The following FBXW2 variants were observed in gnomAD, a reference collection of about 807,000 sequenced individuals.
FBXW2 encodes the protein F-box and WD repeat domain containing 2.
In FBXW2, 12 loss-of-function variants were observed where a neutral mutation model predicts 46.0. That is an observed-to-expected ratio of 0.26 (90% CI 0.17 to 0.42). The LOEUF is 0.42. FBXW2 is among the 10% of genes least tolerant of loss of function. FBXW2 has a pLI of 1.00. For missense variants in FBXW2, 360 were observed against 537.0 expected (o/e 0.67, Z 3.26); for synonymous variants, 203 against 209.6 (o/e 0.97, Z 0.27).
intron 4 of FBXW2, 102 bp from the exon 5 acceptor site, chr9:120,776,328 A>T (rs1468649358): frequency 7.6e-7 from 1 of 1,310,950 alleles, no homozygotes; most frequent in Non-Finnish European, 1.0e-6. Context: ...TAATTTCCCA[A>T]CCAGAGACAC....
chr9:120,772,899 T>C, intron 5 of FBXW2, 59 bp from the exon 6 acceptor site: 1 of 1,174,528 alleles, frequency 8.5e-7, no homozygotes, highest in Non-Finnish European at 1.2e-6. Context: ...ATAATGATTT[T>C]ATTCTTTAAA....
At chr9:120,786,089 T>C (rs1018512033) in intron 3 of FBXW2, among the ~76,000 whole-genome samples, 3 of 151,838 alleles carry the variant, frequency 2.0e-5, no homozygotes, top group African/African-American at 7.3e-5. Flanking sequence ...ATTCTACTTT[T>C]AGACTTCTAT....
chr9:120,778,253 C>A, intron 4 of FBXW2, 98 bp downstream of exon 4: 5 of 1,009,390 alleles, frequency 5.0e-6, no homozygotes, highest in Middle Eastern at 3.3e-4. Flanking sequence ...TTGAAAAAAG[C>A]AGGTTAAATT....
rs556063489 is a variant in FBXW2 at position 120,762,578 on chromosome 9, T to A, written c.*1981A>T. The A allele has an allele frequency of 6.6e-6, 1 of 152,224 alleles. No individual in the cohort carries two copies. The highest frequency in any genetic ancestry group is 2.1e-4 in the South Asian group (1 of 4,832). 9.4% of individuals were successfully genotyped at this position (152,224 alleles called of 1,614,324 possible). ...AGTTTCAACATGGATATTAATGATATCTGTCCTTGAAATTCACCATTAATT... is the reference window on the plus strand; with the variant it reads ...AGTTTCAACATGGATATTAATGATAACTGTCCTTGAAATTCACCATTAATT... On this transcript the variant is annotated 3_prime_UTR_variant, in exon 8 of 8. Transcript: ENST00000608872.
Position 120,776,138 on chromosome 9 carries a change from C to T in FBXW2, c.774G>A (p.Gly258=). 6.2e-7 allele frequency: 1 copy of T among 1,614,154 alleles called. No individual in the cohort carries two copies. The highest frequency in any genetic ancestry group is 8.5e-7 in the Non-Finnish European group (1 of 1,180,024). The change falls in exon 5 of 8, where the codon GGG becomes GGA. Residue 258 remains glycine, a synonymous_variant. Coordinates refer to ENST00000608872, the MANE Select transcript of FBXW2 (RefSeq NM_012164.4). The part of the protein sequence containing the change: ...FTVKVWALSA[G]TCLNTLTGHT... ...GCCCGGTGAGTGTGTTCAGGCATGT[C>T]CCAGCAGATAAAGCCCATACTTTCA...
rs528919391 is a variant in FBXW2, at chr9:120,777,429, G to A, written c.685+922C>T. Among the ~76,000 whole-genome samples, 4 of 152,304 alleles carry A rather than the reference G, an allele frequency of 2.6e-5. No homozygotes were observed. The East Asian group carries it at 7.7e-4, about 29-fold the overall frequency. On this transcript the variant is annotated intron_variant, in intron 4 of 7. Coordinates refer to ENST00000608872, the MANE Select transcript of FBXW2 (RefSeq NM_012164.4). Reference sequence around the variant, plus strand: ...AGTGCAAGTAACTCCAGTCACATGGGTGAACAAGACAGATAAGATCACTGT... The same window carrying A: ...AGTGCAAGTAACTCCAGTCACATGGATGAACAAGACAGATAAGATCACTGT...
chr9:120,791,531 A>G (rs1262836573), intron 2 of FBXW2, among the ~76,000 whole-genome samples: 2 of 152,234 alleles, frequency 1.3e-5, no homozygotes, highest in African/African-American at 4.8e-5. Flanking sequence ...TGCTTAGCAC[A>G]GTGTACAGTC....
chr9:120,765,092 A>G (rs1487594582), intron 7 of FBXW2, among the ~76,000 whole-genome samples: 1 of 151,742 alleles, frequency 6.6e-6, no homozygotes, highest in East Asian at 1.9e-4. Flanking sequence ...GTGTTTGATC[A>G]AAGTTTTTTT....
rs565188937 is a variant in FBXW2 at position 120,772,821 on chromosome 9, T to C, written c.839A>G (p.Lys280Arg). Reference sequence around the variant, plus strand: ...AGGACTGTGCAAGAGAGACTTGACTTTGCACTTCTGCAAAACTACCTGCAA... The same window carrying C: ...AGGACTGTGCAAGAGAGACTTGACTCTGCACTTCTGCAAAACTACCTGCAA... ...WVTKVVLQKC[K>R]VKSLLHSPGD... Residue 280 changes from lysine (K) to arginine (R), a missense_variant, in exon 6 of 8, where the codon AAA (lysine) becomes AGA (arginine). By Grantham distance (26) the Lys-to-Arg change is conservative (BLOSUM62 2). Transcript: ENST00000608872. 2 of 1,612,528 alleles carry C rather than the reference T, an allele frequency of 1.2e-6. No individual in the cohort carries two copies. Among genetic ancestry groups the C allele is most frequent in the South Asian group, 2.2e-5 (2 of 90,892 alleles).
chr9:120,784,271 T>C (rs2044673461), intron 3 of FBXW2, among the ~76,000 whole-genome samples: 1 of 152,184 alleles, frequency 6.6e-6, no homozygotes. Context: ...CTGCAGTTTT[T>C]ACTACATTTC....
chr9:120,780,738 G>T (rs1368554193), intron 3 of FBXW2, among the ~76,000 whole-genome samples: 1 of 152,204 alleles, frequency 6.6e-6, no homozygotes, highest in Non-Finnish European at 1.5e-5. Context: ...TATATTTATA[G>T]AACTTCTGTG....
chr9:120,767,470 A>C (rs1267485758), intron 7 of FBXW2, among the ~76,000 whole-genome samples: 2 of 152,230 alleles, frequency 1.3e-5, no homozygotes, highest in Non-Finnish European at 2.9e-5. Flanking sequence ...TCCCAGGGAA[A>C]GCAGTAAGTT....
chr9:120,785,087 C>G (rs2044692759), intron 3 of FBXW2, among the ~76,000 whole-genome samples: 1 of 151,076 alleles, frequency 6.6e-6, no homozygotes. Flanking sequence ...TAGCTCACTG[C>G]AACCTCCACC....
In FBXW2 at chr9:120,764,172, T is replaced by A; in HGVS notation, c.*387A>T. The A allele has an allele frequency of 2.6e-6, 1 of 390,052 alleles. No individual in the cohort carries two copies. The highest frequency in any genetic ancestry group is 1.4e-4 in the South Asian group (1 of 7,158). The allele number at this position is 390,052 out of a possible 1,614,324, so 24.2% of individuals were successfully genotyped here. A position where few individuals can be genotyped will look rare whatever the true frequency, so the allele number is the denominator to read the frequency against. On this transcript the variant is annotated 3_prime_UTR_variant, in exon 8 of 8. Coordinates refer to ENST00000608872, the MANE Select transcript of FBXW2 (RefSeq NM_012164.4). ...CTTCAACTTCAAAAGAAAAAAAGGC[T>A]ATGGTAAAAAGCTTTAATAACAGAC...
chr9:120,789,876 TG>T (rs2044799089), intron 2 of FBXW2, among the ~76,000 whole-genome samples: 1 of 152,238 alleles, frequency 6.6e-6, no homozygotes, highest in African/African-American at 2.4e-5. Flanking sequence ...TTTTGATTTC[TG>T]GAACTGTGAC....
intron 3 of FBXW2, among the ~76,000 whole-genome samples, chr9:120,779,613 G>C (rs538678364): frequency 3.3e-5 from 5 of 152,302 alleles, no homozygotes; most frequent in East Asian, 1.9e-4. Flanking sequence ...AAGAGGGGTA[G>C]GACTTGGTTG....
intron 3 of FBXW2, among the ~76,000 whole-genome samples, chr9:120,782,078 G>A (rs912132113): frequency 6.6e-6 from 1 of 151,296 alleles, no homozygotes; most frequent in African/African-American, 2.4e-5. Context: ...GAAGAACCTT[G>A]AAGACATCAT....
rs1295671497 is a variant in FBXW2 at position 120,787,935 on chromosome 9, C to A, written c.324G>T (p.Gln108His). ...AAGCGTCCTGAACAGAATCATCTAT[C>A]TGCCAGCCCAAATTTTTACATGCAG... ...WQTACKNLGW[Q>H]IDDSVQDALH... Residue 108 changes from glutamine to histidine, a missense_variant, in exon 3 of 8, where the codon CAG becomes CAT. Physicochemically the swap from Gln to His is conservative, Grantham distance 24. Coordinates refer to ENST00000608872, the MANE Select transcript of FBXW2 (RefSeq NM_012164.4). 5 of 1,614,134 alleles carry A rather than the reference C, an allele frequency of 3.1e-6. No individual in the cohort carries two copies. Among genetic ancestry groups the A allele is most frequent in the Non-Finnish European group, 4.2e-6 (5 of 1,180,056 alleles).
rs1588020748 is a variant in FBXW2 at position 120,763,324 on chromosome 9, A to T, written c.*1235T>A. ...TTGGGTTTGTGAGCCCTCATCTAGG[A>T]CAATTCCCTCACTTAAAAGATGAAG... is the stretch of plus-strand genomic sequence containing the variant. On this transcript the variant is annotated 3_prime_UTR_variant, in exon 8 of 8. Transcript: ENST00000608872. 6.6e-6 allele frequency: 1 copy of T among 152,210 alleles called. No homozygotes were observed. The highest frequency in any genetic ancestry group is 1.9e-4 in the East Asian group (1 of 5,194). The allele number at this position is 152,210 out of a possible 1,614,324, so 9.4% of individuals were successfully genotyped here.
Sources: allele counts gnomAD v4.1 joint callset (sites outside exome capture counted in the v4.1 genomes callset), GRCh38; gene constraint gnomAD v4.1.1; transcripts MANE v1.5; gene names NCBI Gene and HGNC (gene_info 2026-07-23, HGNC 2026-07-21).